Variants in CPNE4 observed in about 807,000 individuals in gnomAD.
The protein encoded by CPNE4 is copine-4.
CPNE4 carries 25 observed loss-of-function variants against 67.9 expected under a neutral mutation model. The observed-to-expected ratio is 0.37, with a 90% CI of 0.27 to 0.51. The LOEUF (loss-of-function observed/expected upper bound fraction) is 0.51. CPNE4 is among the 20% of genes least tolerant of loss of function. The probability of loss-of-function intolerance (pLI) is 0.93; values close to 1 mark genes in which losing one functional copy is unlikely to be tolerated. For missense variants in CPNE4, 464 were observed against 690.8 expected, an observed-to-expected ratio of 0.67 and a Z score of 3.68; for synonymous variants, 242 against 244.9, an observed-to-expected ratio of 0.99 and a Z score of 0.11.
chr3:131,577,028 C>T (rs950891913), intron 9 of CPNE4, among the ~76,000 whole-genome samples: 3 of 151,852 alleles, frequency 2.0e-5, no homozygotes, highest in African/African-American at 7.3e-5. Flanking sequence ...GGAGAGTAGT[C>T]CCTCTTAGGT....
intron 1 of CPNE4, among the ~76,000 whole-genome samples, chr3:132,019,824 G>T (rs181886408): frequency 2.6e-5 from 4 of 152,042 alleles, no homozygotes; most frequent in Non-Finnish European, 4.4e-5. Flanking sequence ...AGGAACAAAG[G>T]CTGCCCTTCA....
At chr3:131,700,979 C>G (rs1228423466) in intron 3 of CPNE4, among the ~76,000 whole-genome samples, 2 of 151,484 alleles carry the variant, frequency 1.3e-5, no homozygotes, top group East Asian at 3.9e-4. Context: ...TGATTCTCAG[C>G]AAACTATCGC....
intron 3 of CPNE4, among the ~76,000 whole-genome samples, chr3:131,717,826 C>A (rs888369406): frequency 7.0e-6 from 1 of 142,584 alleles, no homozygotes; most frequent in African/African-American, 2.7e-5. Flanking sequence ...CCAAAGTGAT[C>A]TTTCTTCCTT....
chr3:131,832,053 ACATGAGTTCT>A (rs746973663), intron 2 of CPNE4, among the ~76,000 whole-genome samples: 5 of 152,230 alleles, frequency 3.3e-5, no homozygotes, highest in Non-Finnish European at 7.3e-5. Context: ...ATTCAGGTCA[ACATGAGTTCT>A]CATTGTCAGG....
chr3:131,620,815 T>C (rs1258024348), intron 7 of CPNE4, among the ~76,000 whole-genome samples: 1 of 152,178 alleles, frequency 6.6e-6, no homozygotes, highest in East Asian at 1.9e-4. Flanking sequence ...AAATGATTCT[T>C]TCCTAGAGTC....
chr3:131,770,689 C>A (rs1386050034), intron 2 of CPNE4, among the ~76,000 whole-genome samples: 1 of 152,214 alleles, frequency 6.6e-6, no homozygotes, highest in Non-Finnish European at 1.5e-5. Context: ...TGTCTGTAAG[C>A]CTGCAAAGGC....
chr3:131,816,093 T>C (rs67234490), intron 2 of CPNE4, among the ~76,000 whole-genome samples: 2,740 of 152,270 alleles, frequency 0.018, 73 homozygotes, highest in East Asian at 0.096. Context: ...AGCTGTTAGA[T>C]TTCTCTGTTA....
intron 2 of CPNE4, among the ~76,000 whole-genome samples, chr3:131,874,374 C>T (rs2087350625): frequency 6.6e-6 from 1 of 152,186 alleles, no homozygotes. Flanking sequence ...AGGCGTGAGC[C>T]ACCGCGCCTG....
intron 2 of CPNE4, among the ~76,000 whole-genome samples, chr3:131,861,400 CTTTGTGTGTGTGTG>C (rs1398245727): frequency 3.3e-5 from 4 of 122,014 alleles, no homozygotes; most frequent in Non-Finnish European, 6.6e-5. Context: ...AATATCTCAT[CTTTGTGTGTGTGTG>C]TGTGTGTGTG....
intron 1 of CPNE4, among the ~76,000 whole-genome samples, chr3:132,031,425 C>T (rs2074231886): frequency 6.6e-6 from 1 of 152,150 alleles, no homozygotes; most frequent in African/African-American, 2.4e-5. Context: ...GAATACAGAT[C>T]TTCTTACACA....
intron 7 of CPNE4, among the ~76,000 whole-genome samples, chr3:131,648,528 A>C (rs1471149719): frequency 6.6e-6 from 1 of 152,250 alleles, no homozygotes; most frequent in Non-Finnish European, 1.5e-5. Context: ...TCTTGAAAGA[A>C]GATTTATATA....
At chr3:131,701,666 G>A (rs1042256370) in intron 3 of CPNE4, among the ~76,000 whole-genome samples, 1 of 152,180 alleles carries the variant, frequency 6.6e-6, no homozygotes, top group Non-Finnish European at 1.5e-5. Context: ...CCTGGAAGAA[G>A]ATTCTCCTCT....
intron 2 of CPNE4, among the ~76,000 whole-genome samples, chr3:131,835,811 C>T (rs2108006289): frequency 1.3e-5 from 2 of 152,272 alleles, no homozygotes; most frequent in South Asian, 2.1e-4. Context: ...GGTGACTCTC[C>T]TCCTCCCCAA....
At chr3:131,930,734 G>T (rs2071037532) in intron 1 of CPNE4, among the ~76,000 whole-genome samples, 1 of 152,166 alleles carries the variant, frequency 6.6e-6, no homozygotes, top group East Asian at 1.9e-4. Context: ...ATTATATGTG[G>T]TTCTCTTTGG....
At chr3:131,793,343 C>A (rs1277670853) in intron 2 of CPNE4, among the ~76,000 whole-genome samples, 3 of 152,094 alleles carry the variant, frequency 2.0e-5, no homozygotes, top group Non-Finnish European at 4.4e-5. Context: ...GCTTAAAATT[C>A]TTTGTGGTTT....
intron 2 of CPNE4, among the ~76,000 whole-genome samples, chr3:131,801,375 ATATATATATAT>A (rs2084104133): frequency 1.9e-5 from 2 of 106,284 alleles, no homozygotes; most frequent in Admixed American, 2.2e-4. Context: ...TATGTACCAT[ATATATATATAT>A]GGTACATATA....
upstream of CPNE4, among the ~76,000 whole-genome samples, chr3:132,038,881 C>A (rs990437890): frequency 1.3e-5 from 2 of 152,072 alleles, no homozygotes; most frequent in Admixed American, 6.5e-5. Context: ...AGGGTAGCAA[C>A]GTGTTTAGCT....
chr3:131,672,657 C>A (rs1267117647), intron 6 of CPNE4, among the ~76,000 whole-genome samples: 1 of 152,158 alleles, frequency 6.6e-6, no homozygotes, highest in East Asian at 1.9e-4. Flanking sequence ...TTATTCATAT[C>A]TTTTGCCCAT....
intron 1 of CPNE4, among the ~76,000 whole-genome samples, chr3:132,014,710 T>C (rs965528541): frequency 6.6e-6 from 1 of 152,178 alleles, no homozygotes; most frequent in African/African-American, 2.4e-5. Flanking sequence ...TATATTTCTA[T>C]TGTCTTCTAA....
Sources: allele counts gnomAD v4.1 joint callset (sites outside exome capture counted in the v4.1 genomes callset), GRCh38; gene constraint gnomAD v4.1.1; transcripts MANE v1.5; gene names NCBI Gene and HGNC (gene_info 2026-07-23, HGNC 2026-07-21).